The following TRAPPC9 variants were observed in gnomAD, a reference collection of about 807,000 sequenced individuals.
TRAPPC9 encodes IKK2 binding protein.
TRAPPC9 carries 83 observed loss-of-function variants against 124.0 expected under a neutral mutation model. That is an observed-to-expected ratio of 0.67 (90% CI 0.56 to 0.80). The LOEUF (loss-of-function observed/expected upper bound fraction) is 0.80. Among genes scored for constraint, TRAPPC9 ranks in the 30% least tolerant of loss-of-function variants. TRAPPC9 has a pLI of 0.00. For missense variants in TRAPPC9, 1,302 were observed against 1,508.3 expected (o/e 0.86, Z 2.27); for synonymous variants, 638 against 617.5 (o/e 1.03, Z -0.49).
intron 9 of TRAPPC9, among the ~76,000 whole-genome samples, chr8:140,358,434 T>C (rs2067821515): frequency 6.6e-6 from 1 of 152,218 alleles, no homozygotes; most frequent in Non-Finnish European, 1.5e-5. Context: ...CTCGATCTCC[T>C]GACCTCAGGT....
At chr8:140,059,220 T>G (rs1842450516) in intron 17 of TRAPPC9, among the ~76,000 whole-genome samples, 1 of 152,162 alleles carries the variant, frequency 6.6e-6, no homozygotes, top group Non-Finnish European at 1.5e-5. Context: ...ATCATAACAG[T>G]GTGTACTTTC....
intron 21 of TRAPPC9, among the ~76,000 whole-genome samples, chr8:139,754,409 A>G (rs1399902690): frequency 6.6e-6 from 1 of 152,222 alleles, no homozygotes; most frequent in African/African-American, 2.4e-5. Flanking sequence ...TCAAGGCCAG[A>G]GCCACAGTCC....
At chr8:139,807,629 T>C (rs946187519) in intron 21 of TRAPPC9, among the ~76,000 whole-genome samples, 1 of 152,078 alleles carries the variant, frequency 6.6e-6, no homozygotes, top group Non-Finnish European at 1.5e-5. Context: ...GTGCGGAGAT[T>C]GAAGCGGGTC....
At chr8:140,176,362 C>T (rs1448171085) in intron 17 of TRAPPC9, among the ~76,000 whole-genome samples, 1 of 152,170 alleles carries the variant, frequency 6.6e-6, no homozygotes, top group Non-Finnish European at 1.5e-5. Context: ...TGACCTGCCT[C>T]CTGTTATGAC....
chr8:140,438,338 T>A (rs1361570719), intron 3 of TRAPPC9, among the ~76,000 whole-genome samples: 1 of 152,176 alleles, frequency 6.6e-6, no homozygotes, highest in Non-Finnish European at 1.5e-5. Context: ...GTATCACAAT[T>A]TCACTCCTTT....
intron 21 of TRAPPC9, among the ~76,000 whole-genome samples, chr8:139,855,968 A>C (rs937076297): frequency 6.6e-6 from 1 of 152,204 alleles, no homozygotes; most frequent in African/African-American, 2.4e-5. Flanking sequence ...ATTGGGTTCA[A>C]ATTCTTGATC....
intron 15 of TRAPPC9, 58 bp downstream of exon 15, chr8:140,275,600 T>C: frequency 6.5e-7 from 1 of 1,549,320 alleles, no homozygotes; most frequent in East Asian, 2.2e-5. Flanking sequence ...TTAAAGTATC[T>C]CTTCTACAAG....
At chr8:140,028,433 T>C (rs1255516718) in intron 17 of TRAPPC9, among the ~76,000 whole-genome samples, 1 of 152,224 alleles carries the variant, frequency 6.6e-6, no homozygotes, top group Non-Finnish European at 1.5e-5. Flanking sequence ...TGCCAAGTGC[T>C]GCACTGAGTG....
intron 14 of TRAPPC9, among the ~76,000 whole-genome samples, chr8:140,280,281 T>G (rs1050840386): frequency 5.3e-5 from 8 of 152,228 alleles, no homozygotes; most frequent in African/African-American, 1.9e-4. Context: ...GCGGAAATCA[T>G]GTGTCCATCC....
chr8:139,977,931 A>T (rs2874035), intron 19 of TRAPPC9, among the ~76,000 whole-genome samples: 1 of 151,922 alleles, frequency 6.6e-6, no homozygotes, highest in East Asian at 2.0e-4. Context: ...TCCACCCACC[A>T]CGGCCTCCTA....
chr8:139,949,295 A>G (rs1341109937), intron 19 of TRAPPC9, among the ~76,000 whole-genome samples: 29 of 152,236 alleles, frequency 1.9e-4, no homozygotes, highest in Non-Finnish European at 2.9e-5. Flanking sequence ...TTGAGAAATA[A>G]TTCTCAAGGA....
intron 21 of TRAPPC9, among the ~76,000 whole-genome samples, chr8:139,778,969 A>G (rs1821584955): frequency 6.6e-6 from 1 of 152,206 alleles, no homozygotes; most frequent in Non-Finnish European, 1.5e-5. Flanking sequence ...ACACCAAGGC[A>G]CACTATATTG....
intron 6 of TRAPPC9, 179 bp downstream of exon 6, chr8:140,405,398 T>A (rs1246967063): frequency 1.6e-6 from 1 of 640,786 alleles, no homozygotes; most frequent in African/African-American, 1.8e-5. Context: ...AAACCTACAC[T>A]GTTTTGAATC....
chr8:139,766,518 G>A (rs1820594722), intron 21 of TRAPPC9, among the ~76,000 whole-genome samples: 1 of 152,220 alleles, frequency 6.6e-6, no homozygotes, highest in Non-Finnish European at 1.5e-5. Context: ...CTCTGTCTAA[G>A]TCCTTCAATA....
intron 17 of TRAPPC9, among the ~76,000 whole-genome samples, chr8:140,134,676 C>G (rs1054235886): frequency 1.3e-5 from 2 of 152,172 alleles, no homozygotes; most frequent in African/African-American, 4.8e-5. Flanking sequence ...TACCTCACCC[C>G]ATATATATAA....
At chr8:140,125,893 C>T (rs1396817064) in intron 17 of TRAPPC9, among the ~76,000 whole-genome samples, 1 of 152,154 alleles carries the variant, frequency 6.6e-6, no homozygotes, top group African/African-American at 2.4e-5. Flanking sequence ...TTGCACTTGA[C>T]CATCTTTAAT....
At chr8:139,792,493 A>G (rs1267260609) in intron 21 of TRAPPC9, among the ~76,000 whole-genome samples, 1 of 152,128 alleles carries the variant, frequency 6.6e-6, no homozygotes, top group East Asian at 1.9e-4. Context: ...TGCACTTGGG[A>G]GACAAATGCC....
At chr8:140,367,484 A>G (rs182767935) in intron 8 of TRAPPC9, among the ~76,000 whole-genome samples, 312 of 152,370 alleles carry the variant, frequency 2.0e-3, no homozygotes, top group Non-Finnish European at 2.8e-3. Flanking sequence ...AAAAGGCTAC[A>G]TATTGTATGA....
chr8:140,155,849 CAA>C (rs2061619322), intron 17 of TRAPPC9, among the ~76,000 whole-genome samples: 1 of 152,248 alleles, frequency 6.6e-6, no homozygotes, highest in East Asian at 1.9e-4. Context: ...CTCTCTTTTT[CAA>C]AGACACTTGC....
Sources: allele counts gnomAD v4.1 joint callset (sites outside exome capture counted in the v4.1 genomes callset), GRCh38; gene constraint gnomAD v4.1.1; transcripts MANE v1.5; gene names NCBI Gene and HGNC (gene_info 2026-07-23, HGNC 2026-07-21).